PLCZ1: variants seen among roughly 807,000 people sequenced by gnomAD.
The protein encoded by PLCZ1 is 1-phosphatidylinositol 4,5-bisphosphate phosphodiesterase zeta-1.
Under a neutral mutation model 76.8 loss-of-function variants are expected in PLCZ1, and 64 were observed. The ratio of observed to expected loss-of-function variants is 0.83; its 90% CI spans 0.68 to 1.03. PLCZ1 has a LOEUF of 1.03. PLCZ1 is among the 50% of genes least tolerant of loss of function. The pLI is 0.00. For synonymous variants in PLCZ1, 248 were observed against 230.8 expected (o/e 1.07, Z -0.68); for missense variants, 751 against 713.7 (o/e 1.05, Z -0.60).
intron 3 of PLCZ1, among the ~76,000 whole-genome samples, chr12:18,728,709 A>T (rs1335896479): frequency 6.6e-6 from 1 of 152,164 alleles, no homozygotes; most frequent in Non-Finnish European, 1.5e-5. Context: ...TTATGACCTA[A>T]AAAGATTTTC....
chr12:18,694,721 TAAAATTAC>T (rs1954696909), intron 12 of PLCZ1, among the ~76,000 whole-genome samples, 181 bp downstream of exon 12: 2 of 152,258 alleles, frequency 1.3e-5, no homozygotes, highest in South Asian at 4.1e-4. Context: ...ATCATTCATG[TAAAATTAC>T]AACAGGAAGA....
chr12:18,694,917 G>GT lies in PLCZ1; in HGVS notation c.1453dup (p.Thr485AsnfsTer18), dbSNP rs1954738323. 1 of 1,588,324 alleles carries GT rather than the reference G, an allele frequency of 6.3e-7. No individual in the cohort carries two copies. The highest frequency in any genetic ancestry group is 1.3e-5 in the African/African-American group (1 of 74,178). On this transcript the variant is annotated frameshift_variant, in exon 12 of 15. Transcript: ENST00000266505. LOFTEE classifies it high-confidence loss of function. Reference sequence around the variant, plus strand: ...AAAATTTATTAATCTTACCCTTATTGTAAGTGTAATTGGCATACCCTCTTT... The same window carrying GT: ...AAAATTTATTAATCTTACCCTTATTGTTAAGTGTAATTGGCATACCCTCTTT...
intron 13 of PLCZ1, among the ~76,000 whole-genome samples, chr12:18,686,063 A>C (rs563635916): frequency 6.6e-6 from 1 of 151,978 alleles, no homozygotes; most frequent in Non-Finnish European, 1.5e-5. Context: ...TAGCTAAATC[A>C]TCTTAAAATT....
chr12:18,675,989 C>T, the PLCZ1 span, among the ~76,000 whole-genome samples: 5 of 150,856 alleles, frequency 3.3e-5, no homozygotes, highest in East Asian at 9.8e-4. Context: ...CAAGCCTGAA[C>T]ATATACCTTC....
chr12:18,681,724 G>A (rs1952436588), downstream of PLCZ1, among the ~76,000 whole-genome samples: 1 of 151,968 alleles, frequency 6.6e-6, no homozygotes. Context: ...ATTTCAAAAT[G>A]AACAATTTGG....
chr12:18,668,420 A>G, the PLCZ1 span, among the ~76,000 whole-genome samples: 1 of 152,214 alleles, frequency 6.6e-6, no homozygotes, highest in Non-Finnish European at 1.5e-5. Flanking sequence ...CTCATCCATC[A>G]GAAATCAAAT....
the PLCZ1 span, among the ~76,000 whole-genome samples, chr12:18,675,441 C>T: frequency 2.0e-5 from 3 of 152,086 alleles, no homozygotes; most frequent in Non-Finnish European, 4.4e-5. Flanking sequence ...TTAGTACAAC[C>T]TCTGTGGAAA....
intron 3 of PLCZ1, among the ~76,000 whole-genome samples, chr12:18,728,731 G>A (rs12817618): frequency 0.061 from 9,273 of 152,246 alleles, 333 homozygotes; most frequent in African/African-American, 0.094. Context: ...AGATAGGTAT[G>A]AAAGCAAAAC....
intron 7 of PLCZ1, among the ~76,000 whole-genome samples, chr12:18,703,217 G>A (rs75422844): frequency 0.035 from 5,383 of 152,120 alleles, 131 homozygotes; most frequent in East Asian, 0.083. Flanking sequence ...TTGAGTCTGT[G>A]GGCATTCTTA....
intron 9 of PLCZ1, among the ~76,000 whole-genome samples, chr12:18,700,984 ATTTT>A (rs60921824): frequency 2.7e-4 from 40 of 149,488 alleles, no homozygotes; most frequent in Middle Eastern, 3.4e-3. Flanking sequence ...AATTATAGAG[ATTTT>A]TTTTTTTTTT....
At chr12:18,686,904 C>G (rs563082557) in intron 13 of PLCZ1, among the ~76,000 whole-genome samples, 1 of 151,876 alleles carries the variant, frequency 6.6e-6, no homozygotes, top group Non-Finnish European at 1.5e-5. Flanking sequence ...CCATAAAATC[C>G]AAGGAGGTAA....
rs115823640 is a variant in PLCZ1 at position 18,727,212 on chromosome 12, T to C, written c.136-3670A>G. On this transcript the variant is annotated intron_variant, in intron 3 of 14. Transcript: ENST00000266505. ...AAAAAAAAACAATTTGCCAAGTGCA[T>C]TGGTGCCTGCCTGTAGTCCCAGCTA... Among the ~76,000 whole-genome samples, 1,149 of 151,736 alleles carry C rather than the reference T, an allele frequency of 7.6e-3. 11 individuals carry two copies. The highest frequency in any genetic ancestry group is 0.027 in the African/African-American group (1,098 of 41,386).
the PLCZ1 span, among the ~76,000 whole-genome samples, chr12:18,656,972 C>A: frequency 6.6e-6 from 1 of 152,248 alleles, no homozygotes; most frequent in African/African-American, 2.4e-5. Flanking sequence ...CAGCAGCTCA[C>A]ATTTTTTGTA....
At chr12:18,722,862 TTTC>T (rs1217879117) in intron 4 of PLCZ1, among the ~76,000 whole-genome samples, 1 of 152,052 alleles carries the variant, frequency 6.6e-6, no homozygotes, top group African/African-American at 2.4e-5. Flanking sequence ...TTTATAATAT[TTTC>T]TTCTTAGAAT....
chr12:18,728,420 C>A (rs1403189516), intron 3 of PLCZ1, among the ~76,000 whole-genome samples: 2 of 152,090 alleles, frequency 1.3e-5, no homozygotes, highest in African/African-American at 4.8e-5. Flanking sequence ...CTTCAACGTT[C>A]AGGATAGAAA....
chr12:18,661,855 G>A, the PLCZ1 span, among the ~76,000 whole-genome samples: 2 of 151,972 alleles, frequency 1.3e-5, no homozygotes, highest in African/African-American at 2.4e-5. Context: ...AAGACAATAG[G>A]AATCAACCTA....
At chr12:18,734,216 T>C (rs1453724111) in intron 3 of PLCZ1, among the ~76,000 whole-genome samples, 1 of 152,224 alleles carries the variant, frequency 6.6e-6, no homozygotes, top group Non-Finnish European at 1.5e-5. Context: ...AATGCTAGTG[T>C]AAATGAAAAT....
chr12:18,706,753 G>T (rs929055613), intron 6 of PLCZ1, among the ~76,000 whole-genome samples: 1 of 152,224 alleles, frequency 6.6e-6, no homozygotes, highest in African/African-American at 2.4e-5. Context: ...TCAGAACAGG[G>T]TCGATTATTA....
chr12:18,654,281 A>C, the PLCZ1 span, among the ~76,000 whole-genome samples: 1 of 118,370 alleles, frequency 8.4e-6, no homozygotes, highest in Non-Finnish European at 1.7e-5. Flanking sequence ...TTTCCAAAAG[A>C]AACACTAGTA....
Sources: allele counts gnomAD v4.1 joint callset (sites outside exome capture counted in the v4.1 genomes callset), GRCh38; gene constraint gnomAD v4.1.1; transcripts MANE v1.5; gene names NCBI Gene and HGNC (gene_info 2026-07-23, HGNC 2026-07-21).